The following KIT variants were observed in gnomAD, a reference collection of about 807,000 sequenced individuals.
The protein encoded by KIT is KIT proto-oncogene, receptor tyrosine kinase, also known as mast/stem cell growth factor receptor Kit.
Under a neutral mutation model 105.7 loss-of-function variants are expected in KIT, and 16 were observed. The ratio of observed to expected loss-of-function variants is 0.15; its 90% CI spans 0.10 to 0.23. The LOEUF (loss-of-function observed/expected upper bound fraction) is 0.23, where lower values mean the gene tolerates loss of function less well. Among genes scored for constraint, KIT ranks in the 10% least tolerant of loss-of-function variants. The probability of loss-of-function intolerance (pLI) is 1.00; values close to 1 mark genes in which losing one functional copy is unlikely to be tolerated. For missense variants in KIT, 858 were observed against 1,213.8 expected (o/e 0.71, Z 4.36); for synonymous variants, 438 against 441.1 (o/e 0.99, Z 0.09).
chr4:54,709,461 A>G lies in KIT; in HGVS notation c.1153A>G (p.Thr385Ala), dbSNP rs776734905. Reference protein sequence around the residue: ...SELHLTRLKGTEGGTYTFLVS... With the variant: ...SELHLTRLKGAEGGTYTFLVS... ...ACTTCATCTAACGAGATTAAAAGGC[A>G]CCGAAGGAGGCACTTACACATTCCT... is the stretch of plus-strand genomic sequence containing the variant. Residue 385 changes from threonine (T) to alanine (A), a missense_variant, in exon 7 of 21, where the codon ACC (threonine) becomes GCC (alanine). Thr to Ala is a moderately conservative substitution (Grantham distance 58, BLOSUM62 0). Coordinates refer to ENST00000288135, the MANE Select transcript of KIT (RefSeq NM_000222.3). 2.5e-6 allele frequency: 4 copies of G among 1,613,682 alleles called. No homozygotes were observed. The highest frequency in any genetic ancestry group is 2.5e-6 in the Non-Finnish European group (3 of 1,179,698).
intron 5 of KIT, among the ~76,000 whole-genome samples, chr4:54,706,533 G>C (rs1414456330): frequency 1.3e-5 from 2 of 151,948 alleles, no homozygotes; most frequent in Non-Finnish European, 2.9e-5. Flanking sequence ...AAAAAGCCTA[G>C]AAACTTCCCC....
chr4:54,681,353 C>T (rs1688208768), intron 1 of KIT, among the ~76,000 whole-genome samples: 1 of 152,160 alleles, frequency 6.6e-6, no homozygotes, highest in Non-Finnish European at 1.5e-5. Context: ...GAAAGTTCCT[C>T]CTTTCTGCTC....
chr4:54,716,362 TC>T lies in KIT; in HGVS notation c.1231+6824del, dbSNP rs746560449. ...ATGTTTTTAAATTAAAACAATTTTT[TC>T]TCATTACAAAAGCATTATGTGAAGG... On this transcript the variant is annotated intron_variant, in intron 7 of 20. Transcript: ENST00000288135. Among the ~76,000 whole-genome samples the T allele has an allele frequency of 2.5e-3, 376 of 152,326 alleles. 8 individuals carry two copies. The highest frequency in any genetic ancestry group is 1.2e-3 in the Non-Finnish European group (83 of 68,034).
At chr4:54,703,602 T>C in intron 4 of KIT, 122 bp from the exon 5 acceptor site, 3 of 746,334 alleles carry the variant, frequency 4.0e-6, no homozygotes, top group Non-Finnish European at 4.7e-6. Flanking sequence ...ACTTAAGTAG[T>C]GTATAATGAA....
chr4:54,683,814 C>T (rs776206881), intron 1 of KIT, among the ~76,000 whole-genome samples: 7 of 152,108 alleles, frequency 4.6e-5, no homozygotes, highest in Non-Finnish European at 7.3e-5. Flanking sequence ...CCAGGTGGCA[C>T]GCTTGTGAAT....
chr4:54,673,884 C>G (rs1560378182), intron 1 of KIT, among the ~76,000 whole-genome samples: 1 of 152,096 alleles, frequency 6.6e-6, no homozygotes, highest in Non-Finnish European at 1.5e-5. Flanking sequence ...ATTCTCGTGC[C>G]TCAGCCTCCC....
chr4:54,658,217 G>C, intron 1 of KIT, 136 bp downstream of exon 1: 1 of 867,736 alleles, frequency 1.2e-6, no homozygotes, highest in South Asian at 1.4e-5. Flanking sequence ...CCTCCGGGGA[G>C]ACTCCAGGTG....
At chr4:54,716,725 A>G (rs1048409647) in intron 7 of KIT, among the ~76,000 whole-genome samples, 2 of 152,212 alleles carry the variant, frequency 1.3e-5, no homozygotes, top group Admixed American at 1.3e-4. Context: ...TGAATTTTAA[A>G]AGAAACCTGT....
chr4:54,693,688 A>ATG (rs375871190), intron 1 of KIT, among the ~76,000 whole-genome samples: 1 of 60,700 alleles, frequency 1.6e-5, no homozygotes, highest in Admixed American at 2.4e-4. Flanking sequence ...GCAACCTTGC[A>ATG]TATGGTGGCA....
In KIT at chr4:54,713,100, T is replaced by C. The variant is rs1304972895; in HGVS notation, c.1231+3561T>C. Among the ~76,000 whole-genome samples, 3 of 152,122 alleles carry C rather than the reference T, an allele frequency of 2.0e-5. No homozygotes were observed. The East Asian group carries it at 5.8e-4, about 29-fold the overall frequency. On this transcript the variant is annotated intron_variant, in intron 7 of 20. Coordinates refer to ENST00000288135, the MANE Select transcript of KIT (RefSeq NM_000222.3). ...AAAAAAAATCTAGTTAACATTATTA[T>C]GTGGTAGTATTTTTAAAAATTTTAT...
At chr4:54,698,150 G>A in intron 2 of KIT, 134 bp from the exon 3 acceptor site, 1 of 805,126 alleles carries the variant, frequency 1.2e-6, no homozygotes. Flanking sequence ...GATAAATTTT[G>A]CTTTTGTTTA....
intron 1 of KIT, among the ~76,000 whole-genome samples, chr4:54,687,342 G>A (rs1031278636): frequency 3.9e-5 from 6 of 152,056 alleles, no homozygotes; most frequent in African/African-American, 1.4e-4. Flanking sequence ...AGAGGCTGAG[G>A]TGGGAGAATT....
chr4:54,693,687 C>CAT (rs3033779), intron 1 of KIT, among the ~76,000 whole-genome samples: 57,895 of 151,852 alleles, frequency 0.38, 12,296 homozygotes, highest in Non-Finnish European at 0.48. Flanking sequence ...TGCAACCTTG[C>CAT]ATATGGTGGC....
At chr4:54,709,785 A>G (rs1483345402) in intron 7 of KIT, among the ~76,000 whole-genome samples, 1 of 152,198 alleles carries the variant, frequency 6.6e-6, no homozygotes, top group Non-Finnish European at 1.5e-5. Context: ...TTTGAAGTAA[A>G]CAGAGGAGCC....
chr4:54,735,760 A>C (rs1722892156), intron 17 of KIT, among the ~76,000 whole-genome samples: 1 of 152,206 alleles, frequency 6.6e-6, no homozygotes, highest in Non-Finnish European at 1.5e-5. Context: ...GTATTAGAGA[A>C]AGTTTTGGGT....
In KIT at chr4:54,736,804, C is replaced by T. The variant is rs141126803; in HGVS notation, c.2680C>T (p.His894Tyr). Residue 894 changes from histidine (H) to tyrosine (Y), a missense_variant, in exon 19 of 21, where the codon CAC becomes TAC. This residue lies in a region of KIT where 63 missense variants were observed against 137.4 expected (regional missense o/e 0.46). Transcript: ENST00000288135. Reference sequence around the variant, plus strand: ...AGGCTTCCGGATGCTCAGCCCTGAACACGCACCTGCTGAAATGTAAGAGCC... The same window carrying T: ...AGGCTTCCGGATGCTCAGCCCTGAATACGCACCTGCTGAAATGTAAGAGCC... Reference protein sequence around the residue: ...KEGFRMLSPEHAPAEMYDIMK... With the variant: ...KEGFRMLSPEYAPAEMYDIMK... 2 of 1,613,926 alleles carry T rather than the reference C, an allele frequency of 1.2e-6. No individual in the cohort carries two copies. Among genetic ancestry groups the T allele is most frequent in the African/African-American group, 1.3e-5 (1 of 74,940 alleles).
At chr4:54,671,735 C>G (rs1472612737) in intron 1 of KIT, among the ~76,000 whole-genome samples, 1 of 151,998 alleles carries the variant, frequency 6.6e-6, no homozygotes, top group African/African-American at 2.4e-5. Context: ...GTGTTAGCAG[C>G]CATTTTTCAA....
At chr4:54,677,402 A>T (rs1718558367) in intron 1 of KIT, among the ~76,000 whole-genome samples, 1 of 152,118 alleles carries the variant, frequency 6.6e-6, no homozygotes, top group Admixed American at 6.5e-5. Flanking sequence ...GACACTAGAG[A>T]GAAGTTCTTG....
chr4:54,699,824 C>T lies in KIT; in HGVS notation c.756+58C>T, dbSNP rs1488234264. On this transcript the variant is annotated intron_variant, in intron 4 of 20. Transcript: ENST00000288135. ...GTCTCTGTGGGAGATGATAAGTTTT[C>T]TCTTTCAGAAGAGTCTGTCCTGAAA... The T allele has an allele frequency of 8.1e-6, 13 of 1,599,742 alleles. 1 individual carries two copies. Among genetic ancestry groups the T allele is most frequent in the Non-Finnish European group, 8.6e-7 (1 of 1,168,080 alleles).
Sources: gnomAD v4.1 joint callset for allele counts (sites outside exome capture counted in the v4.1 genomes callset) on GRCh38, gnomAD v4.1.1 for gene constraint, gnomAD v4.1.1 regional missense constraint, MANE v1.5 for transcripts, NCBI Gene and HGNC (gene_info 2026-07-23, HGNC 2026-07-21) for gene names.